TRPM3: variants seen among roughly 807,000 people sequenced by gnomAD.
TRPM3 encodes transient receptor potential cation channel subfamily M member 3.
TRPM3 carries 77 observed loss-of-function variants against 181.2 expected under a neutral mutation model. The ratio of observed to expected loss-of-function variants is 0.42; its 90% CI spans 0.35 to 0.51. The LOEUF (loss-of-function observed/expected upper bound fraction) is 0.51. Ranked by LOEUF, TRPM3 falls within the 20% of genes least tolerant of loss-of-function variation. The pLI is 0.01. For synonymous variants in TRPM3, 745 were observed against 796.4 expected (o/e 0.94, Z 1.09); for missense variants, 1,759 against 2,196.7 (o/e 0.80, Z 3.98).
intron 1 of TRPM3, among the ~76,000 whole-genome samples, chr9:71,170,846 A>G (rs1203836487): frequency 6.6e-6 from 1 of 152,198 alleles, no homozygotes; most frequent in Non-Finnish European, 1.5e-5. Flanking sequence ...GAACAGGATA[A>G]CAGCAATTGT....
intron 1 of TRPM3, among the ~76,000 whole-genome samples, chr9:71,109,408 T>A (rs79428565): frequency 0.016 from 2,364 of 152,206 alleles, 47 homozygotes; most frequent in East Asian, 0.078. Context: ...TACAAAAGAC[T>A]CCTTGAATTC....
chr9:71,347,943 T>C (rs2091388328), intron 1 of TRPM3, among the ~76,000 whole-genome samples: 1 of 152,180 alleles, frequency 6.6e-6, no homozygotes, highest in African/African-American at 2.4e-5. Context: ...CTGATTGATT[T>C]GCACTAAGAA....
intron 1 of TRPM3, among the ~76,000 whole-genome samples, chr9:71,030,981 G>T (rs141051994): frequency 6.6e-6 from 1 of 152,130 alleles, no homozygotes; most frequent in Non-Finnish European, 1.5e-5. Flanking sequence ...TATGGGATTT[G>T]GGGGTTTATT....
chr9:70,643,916 T>C (rs2058439994), intron 9 of TRPM3, among the ~76,000 whole-genome samples: 1 of 152,210 alleles, frequency 6.6e-6, no homozygotes, highest in South Asian at 2.1e-4. Context: ...CGTTCAAAGA[T>C]ACTGATTTCA....
In TRPM3 at chr9:70,552,889, A is replaced by G. The variant is rs1229968135; in HGVS notation, c.3529T>C (p.Trp1177Arg). The change falls in exon 24 of 26, where the codon TGG becomes CGG. Residue 1177 changes from tryptophan (W) to arginine (R), a missense_variant. By Grantham distance (101) the Trp-to-Arg change is moderately radical. This residue lies in a region of TRPM3 where 96 missense variants were observed against 129.6 expected (regional missense o/e 0.74). Coordinates refer to ENST00000677713, the MANE Select transcript of TRPM3 (RefSeq NM_001366145.2). ...TMIFQHLCCR[W>R]RKHESDPDER... ...TCCGGGTCGCTCTCGTGTTTCCTCC[A>G]TCGGCAGCACAGGTGCTGGAATATC... 3 of 1,613,992 alleles carry G rather than the reference A, an allele frequency of 1.9e-6. No homozygotes were observed. Among genetic ancestry groups the G allele is most frequent in the Admixed American group, 1.7e-5 (1 of 60,000 alleles).
intron 1 of TRPM3, among the ~76,000 whole-genome samples, chr9:71,037,568 C>T (rs1389438469): frequency 4.6e-5 from 7 of 152,244 alleles, no homozygotes; most frequent in Admixed American, 1.3e-4. Flanking sequence ...CCATTCAGCA[C>T]AGCTCCTCCA....
chr9:70,613,810 G>T (rs536583216), intron 18 of TRPM3, among the ~76,000 whole-genome samples: 1 of 152,234 alleles, frequency 6.6e-6, no homozygotes, highest in Non-Finnish European at 1.5e-5. Context: ...CATCTCTTAT[G>T]GTGGCTTCTT....
intron 1 of TRPM3, among the ~76,000 whole-genome samples, chr9:71,004,439 G>A (rs563125330): frequency 9.5e-4 from 145 of 152,350 alleles, no homozygotes; most frequent in African/African-American, 3.3e-3. Flanking sequence ...GGAAGCAACC[G>A]CAGAATGGCG....
intron 1 of TRPM3, among the ~76,000 whole-genome samples, chr9:71,242,274 G>A (rs925207179): frequency 6.6e-6 from 1 of 152,124 alleles, no homozygotes; most frequent in East Asian, 1.9e-4. Context: ...TTTCTTCACT[G>A]GCAGATGACG....
intron 1 of TRPM3, among the ~76,000 whole-genome samples, chr9:71,439,554 A>G (rs1413924223): frequency 6.6e-6 from 1 of 152,186 alleles, no homozygotes; most frequent in Admixed American, 6.5e-5. Flanking sequence ...TTGAATGTTA[A>G]TACAGTCTTA....
At chr9:71,303,634 A>G (rs1234794672) in intron 1 of TRPM3, among the ~76,000 whole-genome samples, 3 of 152,216 alleles carry the variant, frequency 2.0e-5, no homozygotes, top group African/African-American at 7.2e-5. Flanking sequence ...GACAGAGGAG[A>G]GAAATCCTGT....
At chr9:70,802,002 C>T (rs1426912767) in intron 6 of TRPM3, among the ~76,000 whole-genome samples, 1 of 152,170 alleles carries the variant, frequency 6.6e-6, no homozygotes, top group African/African-American at 2.4e-5. Flanking sequence ...CACTGCTGGA[C>T]CCCACCTCCA....
chr9:71,334,449 C>T (rs2090422782), intron 1 of TRPM3, among the ~76,000 whole-genome samples: 1 of 151,750 alleles, frequency 6.6e-6, no homozygotes, highest in African/African-American at 2.4e-5. Flanking sequence ...CATACTAAAA[C>T]ATTTTAAGAC....
intron 1 of TRPM3, among the ~76,000 whole-genome samples, chr9:71,005,932 AAC>A (rs2097668567): frequency 6.6e-6 from 1 of 152,240 alleles, no homozygotes; most frequent in South Asian, 2.1e-4. Context: ...TATGAAGACT[AAC>A]AGATAAAATT....
intron 22 of TRPM3, among the ~76,000 whole-genome samples, chr9:70,567,266 G>A (rs1270565263): frequency 1.3e-5 from 2 of 152,242 alleles, no homozygotes; most frequent in Admixed American, 6.5e-5. Flanking sequence ...CATAAAGTAT[G>A]TAAAGAGAAA....
At chr9:70,971,888 G>A (rs3010435) in intron 1 of TRPM3, among the ~76,000 whole-genome samples, 16,643 of 152,110 alleles carry the variant, frequency 0.11, 1,016 homozygotes, top group African/African-American at 0.15. Flanking sequence ...ACCACAATGA[G>A]ATACAACTTC....
At chr9:70,984,732 A>C (rs2097401958) in intron 1 of TRPM3, among the ~76,000 whole-genome samples, 1 of 152,232 alleles carries the variant, frequency 6.6e-6, no homozygotes. Context: ...TCTCTCCTGG[A>C]GCCTCCAGAA....
chr9:70,786,358 G>A (rs370100503), intron 6 of TRPM3, among the ~76,000 whole-genome samples: 7 of 143,398 alleles, frequency 4.9e-5, no homozygotes, highest in African/African-American at 1.5e-4. Flanking sequence ...GGTGGCAGGC[G>A]CCTGTAATCC....
chr9:70,554,278 C>T (rs1372658796), intron 22 of TRPM3, among the ~76,000 whole-genome samples: 4 of 152,100 alleles, frequency 2.6e-5, no homozygotes, highest in Non-Finnish European at 5.9e-5. Flanking sequence ...GTGAGGTAGC[C>T]CTCCTCTCCA....
Sources: gnomAD v4.1 joint callset for allele counts (sites outside exome capture counted in the v4.1 genomes callset) on GRCh38, gnomAD v4.1.1 for gene constraint, gnomAD v4.1.1 regional missense constraint, MANE v1.5 for transcripts, NCBI Gene and HGNC (gene_info 2026-07-23, HGNC 2026-07-21) for gene names.